Variants in MYRFL observed in about 807,000 individuals in gnomAD.
The protein encoded by MYRFL is myelin regulatory factor like, also known as myelin regulatory factor-like protein.
Under a neutral mutation model 109.4 loss-of-function variants are expected in MYRFL, and 88 were observed. That is an observed-to-expected ratio of 0.80 (90% confidence interval 0.68 to 0.96). The LOEUF is 0.96. Ranked by LOEUF, MYRFL falls within the 40% of genes least tolerant of loss-of-function variation. The pLI is 0.00. For synonymous variants in MYRFL, 324 were observed against 320.9 expected (o/e 1.01, Z -0.10); for missense variants, 957 against 954.9 (o/e 1.00, Z -0.03).
chr12:69,848,432 A>G (rs1158123809), intron 1 of MYRFL, among the ~76,000 whole-genome samples: 1 of 151,978 alleles, frequency 6.6e-6, no homozygotes, highest in Non-Finnish European at 1.5e-5. Flanking sequence ...TAATTTATTC[A>G]TCTTCTCTTC....
intron 13 of MYRFL, among the ~76,000 whole-genome samples, chr12:69,925,965 A>G (rs1449431279): frequency 1.4e-5 from 2 of 146,300 alleles, no homozygotes; most frequent in Non-Finnish European, 2.9e-5. Context: ...GAACTCAGAG[A>G]AAAGCCCAGG....
At chr12:69,946,022 A>G (rs1221017952) in intron 19 of MYRFL, among the ~76,000 whole-genome samples, 3 of 147,714 alleles carry the variant, frequency 2.0e-5, no homozygotes, top group African/African-American at 7.6e-5. Context: ...AAATTATAGA[A>G]ACTTAATCAA....
At chr12:69,835,004 C>T (rs1055925078) in intron 1 of MYRFL, among the ~76,000 whole-genome samples, 38 of 152,122 alleles carry the variant, frequency 2.5e-4, no homozygotes, top group Non-Finnish European at 1.6e-4. Context: ...GTTCTTAGAT[C>T]GTCTGAAGGA....
chr12:69,934,621 G>A (rs746315169), intron 16 of MYRFL, among the ~76,000 whole-genome samples: 10 of 152,148 alleles, frequency 6.6e-5, no homozygotes, highest in Non-Finnish European at 1.2e-4. Flanking sequence ...GATGAAAGCA[G>A]AGAATTTTAT....
intron 19 of MYRFL, among the ~76,000 whole-genome samples, chr12:69,941,110 C>T (rs1214584201): frequency 1.6e-4 from 3 of 18,318 alleles, no homozygotes; most frequent in Non-Finnish European, 2.1e-4. Flanking sequence ...CCACTGTCAA[C>T]ATTAGACAGA....
chr12:69,855,440 G>T, intron 2 of MYRFL, 70 bp downstream of exon 2: 1 of 677,634 alleles, frequency 1.5e-6, no homozygotes, highest in South Asian at 1.6e-5. Context: ...GAGCTAAGAA[G>T]TGTTCCCTCC....
intron 2 of MYRFL, among the ~76,000 whole-genome samples, chr12:69,868,258 C>T (rs577228510): frequency 4.6e-5 from 7 of 152,112 alleles, no homozygotes; most frequent in Non-Finnish European, 7.4e-5. Context: ...AGGTTTGCGT[C>T]GCCATGCCTG....
At chr12:69,958,198 CT>C in intron 23 of MYRFL, 50 bp from the exon 24 acceptor site, 1 of 1,431,366 alleles carries the variant, frequency 7.0e-7, no homozygotes, top group Non-Finnish European at 9.5e-7. Context: ...CTCTTTCCTA[CT>C]GACTGTCAAA....
At chr12:69,945,762 C>T (rs945811071) in intron 19 of MYRFL, among the ~76,000 whole-genome samples, 15 of 151,306 alleles carry the variant, frequency 9.9e-5, no homozygotes, top group African/African-American at 2.7e-4. Context: ...CCGAGGCGGG[C>T]GGATCACGAG....
intron 1 of MYRFL, among the ~76,000 whole-genome samples, chr12:69,831,050 AT>A (rs1486832318): frequency 1.3e-5 from 2 of 152,100 alleles, no homozygotes; most frequent in Admixed American, 1.3e-4. Context: ...ATCACTAGTA[AT>A]TTTACTATTT....
At chr12:69,906,472 C>T (rs955894051) in intron 11 of MYRFL, among the ~76,000 whole-genome samples, 1 of 151,982 alleles carries the variant, frequency 6.6e-6, no homozygotes, top group African/African-American at 2.4e-5. Context: ...ATGTCAATGC[C>T]CAAAAACATG....
chr12:69,934,793 T>C (rs1398362357), intron 16 of MYRFL, among the ~76,000 whole-genome samples: 1 of 152,148 alleles, frequency 6.6e-6, no homozygotes, highest in Non-Finnish European at 1.5e-5. Context: ...GATGTTTTTA[T>C]AGGCACAGGA....
intron 2 of MYRFL, among the ~76,000 whole-genome samples, chr12:69,863,460 C>T (rs1451504548): frequency 6.6e-6 from 1 of 152,164 alleles, no homozygotes; most frequent in Non-Finnish European, 1.5e-5. Flanking sequence ...AATTTATTTT[C>T]AGTGGTAACT....
At chr12:69,900,595 G>A (rs186037442) in intron 10 of MYRFL, among the ~76,000 whole-genome samples, 2 of 152,240 alleles carry the variant, frequency 1.3e-5, no homozygotes, top group Admixed American at 6.5e-5. Context: ...CCAGCAGAGA[G>A]TATTTCTAGG....
Position 69,893,839 on chromosome 12 carries a change from A to G in MYRFL, c.979A>G (p.Lys327Glu), listed in dbSNP as rs1887057590. Reference protein sequence around the residue: ...DRSKKIFNPVKIDLLADQVTK... With the variant: ...DRSKKIFNPVEIDLLADQVTK... ...GAGCAAAAAGATTTTCAATCCTGTT[A>G]AGTAAGAATTTATTTTCTGAATTCC... The change falls in exon 8 of 25, where the codon AAA becomes GAA. Residue 327 changes from lysine (K) to glutamate (E), a missense_variant and splice_region_variant. Lys to Glu is a moderately conservative substitution (Grantham distance 56). Transcript: ENST00000552032. The G allele has an allele frequency of 1.5e-6, 2 of 1,346,458 alleles. No homozygotes were observed. The highest frequency in any genetic ancestry group is 1.5e-5 in the African/African-American group (1 of 66,920). The allele number at this position is 1,346,458 out of a possible 1,614,324, so 83.4% of individuals were successfully genotyped here.
At chr12:69,846,952 T>C (rs1025389707) in intron 1 of MYRFL, among the ~76,000 whole-genome samples, 14 of 152,072 alleles carry the variant, frequency 9.2e-5, no homozygotes, top group Non-Finnish European at 2.1e-4. Flanking sequence ...TGGCCAGTGA[T>C]GATGAGCATT....
At chr12:69,864,216 T>A (rs1486703921) in intron 2 of MYRFL, among the ~76,000 whole-genome samples, 1 of 152,232 alleles carries the variant, frequency 6.6e-6, no homozygotes, top group Non-Finnish European at 1.5e-5. Context: ...TTGTAGCCAT[T>A]GTTTTTTAAC....
At chr12:69,851,014 T>C (rs1326817377) in intron 1 of MYRFL, among the ~76,000 whole-genome samples, 2 of 152,216 alleles carry the variant, frequency 1.3e-5, no homozygotes, top group Non-Finnish European at 2.9e-5. Context: ...CATTGTAAAA[T>C]TTATTACAAT....
At chr12:69,866,690 G>T (rs1169908347) in intron 2 of MYRFL, among the ~76,000 whole-genome samples, 3 of 152,094 alleles carry the variant, frequency 2.0e-5, no homozygotes, top group Non-Finnish European at 4.4e-5. Flanking sequence ...GAGACCACTG[G>T]GCTGCAAAAT....
Sources: gnomAD v4.1 joint callset for allele counts (sites outside exome capture counted in the v4.1 genomes callset) on GRCh38, gnomAD v4.1.1 for gene constraint, MANE v1.5 for transcripts, NCBI Gene and HGNC (gene_info 2026-07-23, HGNC 2026-07-21) for gene names.